CUX2: variants seen among roughly 807,000 people sequenced by gnomAD.
CUX2 encodes the protein homeobox protein cut-like 2.
CUX2 carries 40 observed loss-of-function variants against 144.8 expected under a neutral mutation model. The ratio of observed to expected loss-of-function variants is 0.28; its 90% CI spans 0.21 to 0.36. The LOEUF (loss-of-function observed/expected upper bound fraction) is 0.36. Ranked by LOEUF, CUX2 falls within the 10% of genes least tolerant of loss-of-function variation. The pLI is 1.00. For missense variants in CUX2, 1,615 were observed against 1,994.0 expected (o/e 0.81, Z 3.62); for synonymous variants, 827 against 875.6 (o/e 0.94, Z 0.98).
rs556390544 is a variant in CUX2 at position 111,207,795 on chromosome 12, C to A, written c.64-6405C>A. Among the ~76,000 whole-genome samples, 3 of 152,098 alleles carry A rather than the reference C, an allele frequency of 2.0e-5. No individual in the cohort carries two copies. The South Asian group carries it at 6.2e-4, about 32-fold the overall frequency. On this transcript the variant is annotated intron_variant, in intron 1 of 21. Coordinates refer to ENST00000261726, the MANE Select transcript of CUX2 (RefSeq NM_015267.4). ...CTAGGGCTTAAAAAAAATCTGGTAG[C>A]AAATATCAGAAAGAGTTAACAGGGG...
At chr12:111,119,197 T>G (rs1437505877) in intron 1 of CUX2, among the ~76,000 whole-genome samples, 1 of 152,190 alleles carries the variant, frequency 6.6e-6, no homozygotes, top group Non-Finnish European at 1.5e-5. Context: ...GCCATGGCCA[T>G]GTAAAAGTAG....
rs12580277 is a variant in CUX2 at position 111,062,695 on chromosome 12, C to T, written c.63+28455C>T. ...AATCACATATTTGAAGTTGCAAGCC[C>T]AGCTAAGGGCTGCAGAGGAAATGAG... On this transcript the variant is annotated intron_variant, in intron 1 of 21. Coordinates refer to ENST00000261726, the MANE Select transcript of CUX2 (RefSeq NM_015267.4). Among the ~76,000 whole-genome samples, 496 of 152,318 alleles carry T rather than the reference C, an allele frequency of 3.3e-3. 18 individuals carry two copies. In the East Asian group the frequency reaches 0.077, roughly 24 times the overall value.
intron 3 of CUX2, among the ~76,000 whole-genome samples, chr12:111,220,312 G>A (rs1422363517): frequency 6.6e-6 from 1 of 152,154 alleles, no homozygotes; most frequent in Non-Finnish European, 1.5e-5. Context: ...GTATGGCTGA[G>A]CTGCCATCTG....
At chr12:111,159,413 G>T (rs1278901162) in intron 1 of CUX2, among the ~76,000 whole-genome samples, 1 of 151,512 alleles carries the variant, frequency 6.6e-6, no homozygotes, top group South Asian at 2.1e-4. Flanking sequence ...GCCTCCCAAA[G>T]TGCTGGAATT....
At position 111,349,682 on chromosome 12, in the gene CUX2, G is replaced by T. The variant is rs907392866; in HGVS notation, c.*1357G>T. 2.0e-5 allele frequency: 3 copies of T among 152,150 alleles called. No individual in the cohort carries two copies. The highest frequency in any genetic ancestry group is 7.2e-5 in the African/African-American group (3 of 41,420). The allele number at this position is 152,150 out of a possible 1,614,324, so 9.4% of individuals were successfully genotyped here. A position where few individuals can be genotyped will look rare whatever the true frequency, so the allele number is the denominator to read the frequency against. On this transcript the variant is annotated 3_prime_UTR_variant, in exon 22 of 22. Transcript: ENST00000261726. ...AGGAACCCTTCCTCCAGCGTCTTTG[G>T]CATGGTTTCTAGGGTGAGAGTTCCC...
intron 18 of CUX2, among the ~76,000 whole-genome samples, chr12:111,329,576 G>A (rs1887997363): frequency 1.3e-5 from 2 of 152,112 alleles, no homozygotes; most frequent in Non-Finnish European, 2.9e-5. Context: ...TGGGACATGG[G>A]TGCAGATAGT....
intron 1 of CUX2, among the ~76,000 whole-genome samples, chr12:111,167,829 G>T (rs1409208895): frequency 6.6e-6 from 1 of 152,026 alleles, no homozygotes; most frequent in East Asian, 1.9e-4. Context: ...TGAGTAGCTG[G>T]AATTACAGGT....
intron 3 of CUX2, among the ~76,000 whole-genome samples, chr12:111,260,347 C>A (rs982682897): frequency 6.6e-6 from 1 of 151,752 alleles, no homozygotes; most frequent in Non-Finnish European, 1.5e-5. Context: ...GCCTGTAATC[C>A]CAGCTACTCG....
intron 1 of CUX2, among the ~76,000 whole-genome samples, chr12:111,096,586 C>T (rs1334966600): frequency 6.6e-6 from 1 of 152,186 alleles, no homozygotes; most frequent in Admixed American, 6.5e-5. Flanking sequence ...TGCTTCACAT[C>T]CCCGCTTCCC....
At chr12:111,234,858 ACAGG>A (rs1882660039) in intron 3 of CUX2, among the ~76,000 whole-genome samples, 1 of 152,030 alleles carries the variant, frequency 6.6e-6, no homozygotes, top group African/African-American at 2.4e-5. Flanking sequence ...AGCTGGGACT[ACAGG>A]CACACACCAC....
In CUX2 at chr12:111,310,270, C is replaced by T. The variant is rs774222716; in HGVS notation, c.1488C>T (p.Ala496=). ...AGAGACTGATGATGCCCCCAGCCGC[C>T]TTCAAGGGAGAGGCGGGCGGCCTGC... ...SGERLMMPPA[A]FKGEAGGLLV... The change falls in exon 15 of 22, where the codon GCC becomes GCT. Residue 496 remains alanine (A), a synonymous_variant. Coordinates refer to ENST00000261726, the MANE Select transcript of CUX2 (RefSeq NM_015267.4). This position sits in a 1 kb window ranked among gnomAD's most constrained non-coding sequence, Gnocchi z 7.9. 6.6e-7 allele frequency: 1 copy of T among 1,514,188 alleles called. No homozygotes were observed. The highest frequency in any genetic ancestry group is 1.3e-5 in the South Asian group (1 of 75,322). The allele number at this position is 1,514,188 out of a possible 1,614,324, so 93.8% of individuals were successfully genotyped here.
At chr12:111,065,555 C>T (rs987849030) in intron 1 of CUX2, among the ~76,000 whole-genome samples, 2 of 152,194 alleles carry the variant, frequency 1.3e-5, no homozygotes, top group African/African-American at 2.4e-5. Flanking sequence ...AGGCTGGTCT[C>T]GAACTCCTGA....
chr12:111,106,586 A>C (rs1873619811), intron 1 of CUX2, among the ~76,000 whole-genome samples: 1 of 152,234 alleles, frequency 6.6e-6, no homozygotes, highest in East Asian at 1.9e-4. Flanking sequence ...GTGCACCACC[A>C]TATCTGGCCT....
chr12:111,130,568 C>T (rs559900757), intron 1 of CUX2, among the ~76,000 whole-genome samples: 2 of 152,376 alleles, frequency 1.3e-5, no homozygotes, highest in East Asian at 3.9e-4. Flanking sequence ...GAAGAATGAT[C>T]TCAGAGCTCT....
chr12:111,304,792 G>T lies in CUX2; in HGVS notation c.858+478G>T, dbSNP rs1886492626. Among the ~76,000 whole-genome samples the T allele has an allele frequency of 2.0e-5, 3 of 152,192 alleles. No homozygotes were observed. The highest frequency in any genetic ancestry group is 7.2e-5 in the African/African-American group (3 of 41,456). On this transcript the variant is annotated intron_variant, in intron 10 of 21. Transcript: ENST00000261726. This position sits in a 1 kb window ranked among gnomAD's most constrained non-coding sequence, Gnocchi z 4.7. ...AGCAGCTTTGTGCATGCTTGGGATGGTGATGCCCCTGCTGGTTTTCAGTCC... is the reference window on the plus strand; with the variant it reads ...AGCAGCTTTGTGCATGCTTGGGATGTTGATGCCCCTGCTGGTTTTCAGTCC...
chr12:111,276,643 GTTTGTTTTGTTTTGT>G (rs60318566), intron 4 of CUX2, among the ~76,000 whole-genome samples: 1 of 151,108 alleles, frequency 6.6e-6, no homozygotes, highest in African/African-American at 2.5e-5. Context: ...TTGTTTGTTT[GTTTGTTTTGTTTTGT>G]TTTGTTTTGT....
chr12:111,124,890 G>A (rs1321229481), intron 1 of CUX2, among the ~76,000 whole-genome samples: 6 of 152,120 alleles, frequency 3.9e-5, no homozygotes, highest in African/African-American at 9.7e-5. Flanking sequence ...GAGAACATGC[G>A]GTATTTAGTC....
At chr12:111,075,286 A>AAT (rs1474858095) in intron 1 of CUX2, among the ~76,000 whole-genome samples, 1 of 152,214 alleles carries the variant, frequency 6.6e-6, no homozygotes, top group East Asian at 1.9e-4. Flanking sequence ...AGACAGGATC[A>AAT]ATAGGATCAG....
Position 111,291,421 on chromosome 12 carries a change from C to T in CUX2, c.305C>T (p.Pro102Leu). The change falls in exon 5 of 22, where the codon CCC becomes CTC. Residue 102 changes from proline to leucine, a missense_variant. Coordinates refer to ENST00000261726, the MANE Select transcript of CUX2 (RefSeq NM_015267.4). ...VYKQLIEAPD[P>L]VPVFEAARSL... ...CTGTCTTTCTCTCCCTGCACAGACC[C>T]CGTGCCTGTGTTTGAGGCGGCACGC... 1 of 1,609,486 alleles carries T rather than the reference C, an allele frequency of 6.2e-7. No individual in the cohort carries two copies. Among genetic ancestry groups the T allele is most frequent in the Non-Finnish European group, 8.5e-7 (1 of 1,177,966 alleles).
Sources: gnomAD v4.1 joint callset for allele counts (sites outside exome capture counted in the v4.1 genomes callset) on GRCh38, gnomAD v4.1.1 for gene constraint, Gnocchi (gnomAD v3.1) non-coding constraint, MANE v1.5 for transcripts, NCBI Gene and HGNC (gene_info 2026-07-23, HGNC 2026-07-21) for gene names.